Variants in NFATC3 observed in about 807,000 individuals in gnomAD.
NFATC3 encodes nuclear factor of activated T cells 3, also known as nuclear factor of activated T-cells, cytoplasmic 3.
In NFATC3, 46 loss-of-function variants were observed where a neutral mutation model predicts 98.6. That is an observed-to-expected ratio of 0.47 (90% CI 0.37 to 0.60). The LOEUF is 0.60. Among genes scored for constraint, NFATC3 ranks in the 20% least tolerant of loss-of-function variants. NFATC3 has a pLI of 0.00. For synonymous variants in NFATC3, 512 were observed against 472.2 expected, an observed-to-expected ratio of 1.08 and a Z score of -1.09; for missense variants, 1,256 against 1,295.5, an observed-to-expected ratio of 0.97 and a Z score of 0.47.
At chr16:68,114,137 G>A (rs185555819) in intron 1 of NFATC3, among the ~76,000 whole-genome samples, 14 of 152,308 alleles carry the variant, frequency 9.2e-5, no homozygotes, top group African/African-American at 3.4e-4. Flanking sequence ...GAAAAAGTCT[G>A]GTTTCCCGCG....
Position 68,122,572 on chromosome 16 carries a change from G to T in NFATC3, c.689G>T (p.Gly230Val), listed in dbSNP as rs754206602. The change falls in exon 2 of 10, where the codon GGA becomes GTA. Residue 230 changes from glycine to valine, a missense_variant. Transcript: ENST00000346183. ...GAAGAAACTTGGCATCAACAGTATG[G>T]ACTTGGACACTCATTATCACCCAGG... ...PGEETWHQQY[G>V]LGHSLSPRQS... is the part of the protein sequence containing the mutation. 11 of 1,614,104 alleles carry T rather than the reference G, an allele frequency of 6.8e-6. No homozygotes were observed. In the East Asian group the frequency reaches 2.2e-4, roughly 33 times the overall value.
chr16:68,194,583 C>A (rs1389248075), intron 9 of NFATC3, among the ~76,000 whole-genome samples: 1 of 152,188 alleles, frequency 6.6e-6, no homozygotes, highest in Non-Finnish European at 1.5e-5. Context: ...ACTAACTCTT[C>A]ACATTGCTTT....
chr16:68,101,736 G>A (rs2035377452), intron 1 of NFATC3, among the ~76,000 whole-genome samples: 1 of 152,054 alleles, frequency 6.6e-6, no homozygotes, highest in African/African-American at 2.4e-5. Flanking sequence ...GCCCGCCTCT[G>A]CCTCCCAAAG....
intron 9 of NFATC3, among the ~76,000 whole-genome samples, chr16:68,222,686 C>T (rs979697083): frequency 2.0e-5 from 3 of 152,154 alleles, no homozygotes; most frequent in Admixed American, 2.0e-4. Flanking sequence ...TAAATAGCTT[C>T]CAAGTGATTG....
chr16:68,106,296 C>CT (rs1262550086), intron 1 of NFATC3, among the ~76,000 whole-genome samples: 85 of 142,962 alleles, frequency 5.9e-4, no homozygotes, highest in Non-Finnish European at 7.3e-4. Flanking sequence ...TTTTCTTTTT[C>CT]TTTTTTTTTT....
At chr16:68,147,974 TC>T (rs948861278) in intron 3 of NFATC3, among the ~76,000 whole-genome samples, 56 of 152,210 alleles carry the variant, frequency 3.7e-4, no homozygotes, top group African/African-American at 1.3e-3. Flanking sequence ...CCCAAACTTT[TC>T]CAGTTTCCTT....
In NFATC3 at chr16:68,214,422, G is replaced by T. The variant is rs370473488; in HGVS notation, c.3107-11928G>T. 6 of 1,613,638 alleles carry T rather than the reference G, an allele frequency of 3.7e-6. No homozygotes were observed. In the African/African-American group the frequency reaches 8.0e-5, roughly 22 times the overall value. On this transcript the variant is annotated intron_variant, in intron 9 of 9. Transcript: ENST00000346183. ...CTCTCATGTCCAGCTCCTTTCTGGA[G>T]AATCTAGAGGGTGAGTGTTGATTGA... is the stretch of plus-strand genomic sequence containing the variant.
intron 1 of NFATC3, among the ~76,000 whole-genome samples, chr16:68,095,192 C>T (rs756302865): frequency 2.0e-5 from 3 of 151,550 alleles, no homozygotes; most frequent in African/African-American, 7.3e-5. Flanking sequence ...AACTGAGGGA[C>T]TTAAAAAAAA....
In NFATC3 at chr16:68,163,906, TC is replaced by T. The variant is rs1174804339; in HGVS notation, c.1602-2936del. Reference sequence around the variant, plus strand: ...GATGGCGGCCGGGCAGAGACGCTCCTCACTTTCCAGACTGGGCAGCCAGGCA... The same window carrying T: ...GATGGCGGCCGGGCAGAGACGCTCCTACTTTCCAGACTGGGCAGCCAGGCA... On this transcript the variant is annotated intron_variant, in intron 4 of 9. Transcript: ENST00000346183. 3.3e-5 allele frequency among the ~76,000 whole-genome samples: 5 copies of T among 149,892 alleles called. No homozygotes were observed. In the South Asian group the frequency reaches 6.3e-4, roughly 19 times the overall value.
chr16:68,109,183 G>A (rs566006036), intron 1 of NFATC3, among the ~76,000 whole-genome samples: 8 of 152,076 alleles, frequency 5.3e-5, no homozygotes, highest in East Asian at 3.8e-4. Context: ...CAGCTTTTGC[G>A]TATCCAGTAT....
At chr16:68,099,510 C>T (rs558467012) in intron 1 of NFATC3, among the ~76,000 whole-genome samples, 3 of 151,184 alleles carry the variant, frequency 2.0e-5, no homozygotes, top group South Asian at 2.1e-4. Flanking sequence ...CTGAGACAGG[C>T]GAATCGCTTG....
intron 4 of NFATC3, among the ~76,000 whole-genome samples, chr16:68,161,034 C>A (rs1169828644): frequency 2.6e-5 from 4 of 152,114 alleles, no homozygotes; most frequent in African/African-American, 9.7e-5. Context: ...GGAATCTCAG[C>A]CTGTATTTAT....
At position 68,190,974 on chromosome 16, in the gene NFATC3, T is replaced by C. The variant is rs1482648891; in HGVS notation, c.2305T>C (p.Cys769Arg). ...VTSSHLPQLQ[C>R]RDESVSKEQH... ...CTCATCCCATCTGCCACAGTTGCAG[T>C]GTAGAGATGAGAGTGTTAGTAAAGA... Residue 769 changes from cysteine (C) to arginine (R), a missense_variant, in exon 9 of 10, where the codon TGT (cysteine) becomes CGT (arginine). By Grantham distance (180) the Cys-to-Arg change is radical. Coordinates refer to ENST00000346183, the MANE Select transcript of NFATC3 (RefSeq NM_173165.3). 1.2e-6 allele frequency: 2 copies of C among 1,614,192 alleles called. No homozygotes were observed. The highest frequency in any genetic ancestry group is 3.3e-5 in the Admixed American group (2 of 60,020).
At chr16:68,140,638 A>G (rs886832832) in intron 3 of NFATC3, among the ~76,000 whole-genome samples, 1 of 151,530 alleles carries the variant, frequency 6.6e-6, no homozygotes, top group African/African-American at 2.4e-5. Context: ...TTAATACAAA[A>G]TGATCATGGA....
intron 9 of NFATC3, among the ~76,000 whole-genome samples, chr16:68,195,500 T>G (rs1202543764): frequency 6.6e-6 from 1 of 151,502 alleles, no homozygotes; most frequent in Non-Finnish European, 1.5e-5. Flanking sequence ...TGAGACCCTG[T>G]CTCTAAAATT....
intron 9 of NFATC3, among the ~76,000 whole-genome samples, chr16:68,222,177 A>T (rs1474835814): frequency 6.6e-6 from 1 of 151,394 alleles, no homozygotes; most frequent in African/African-American, 2.4e-5. Flanking sequence ...GTAGTAGCAC[A>T]TGCCTGTAGG....
intron 3 of NFATC3, among the ~76,000 whole-genome samples, chr16:68,153,054 G>A (rs985477067): frequency 2.6e-5 from 4 of 152,072 alleles, no homozygotes; most frequent in African/African-American, 4.8e-5. Flanking sequence ...AGCAGATATC[G>A]AATGTCATTC....
chr16:68,164,819 G>T (rs1301034101), intron 4 of NFATC3, among the ~76,000 whole-genome samples: 1 of 152,196 alleles, frequency 6.6e-6, no homozygotes, highest in Non-Finnish European at 1.5e-5. Context: ...GGCAGAGGTT[G>T]CAGTGAGCCA....
chr16:68,174,340 T>C (rs768786825), intron 5 of NFATC3, 34 bp from the exon 6 acceptor site: 1 of 1,368,194 alleles, frequency 7.3e-7, no homozygotes, highest in South Asian at 2.2e-5. Flanking sequence ...TAATATTTTG[T>C]TTTTTCTCAA....
Sources: gnomAD v4.1 joint callset for allele counts (sites outside exome capture counted in the v4.1 genomes callset) on GRCh38, gnomAD v4.1.1 for gene constraint, MANE v1.5 for transcripts, NCBI Gene and HGNC (gene_info 2026-07-23, HGNC 2026-07-21) for gene names.